Variants in COLGALT2 observed in about 807,000 individuals in gnomAD.
The protein encoded by COLGALT2 is collagen beta(1-O)galactosyltransferase 2, also known as procollagen galactosyltransferase 2.
In COLGALT2, 49 loss-of-function variants were observed where a neutral mutation model predicts 73.4. The ratio of observed to expected loss-of-function variants is 0.67; its 90% CI spans 0.53 to 0.85. COLGALT2 has a LOEUF of 0.85. Among genes scored for constraint, COLGALT2 ranks in the 40% least tolerant of loss-of-function variants. COLGALT2 has a pLI of 0.00. For synonymous variants in COLGALT2, 295 were observed against 307.6 expected, an observed-to-expected ratio of 0.96 and a Z score of 0.43; for missense variants, 722 against 790.2, an observed-to-expected ratio of 0.91 and a Z score of 1.03.
In COLGALT2 at chr1:184,037,360, T is replaced by A; in HGVS notation, c.-3A>T. On this transcript the variant is annotated 5_prime_UTR_variant, in exon 1 of 12. Coordinates refer to ENST00000361927, the MANE Select transcript of COLGALT2 (RefSeq NM_015101.4). ...GTGGCAGCAGGGCGCGCAGCCATGT[T>A]CCGGGCCGAGGCGGGCGGCGGGGAA... 1.4e-6 allele frequency: 2 copies of A among 1,430,448 alleles called. No homozygotes were observed. The highest frequency in any genetic ancestry group is 1.8e-6 in the Non-Finnish European group (2 of 1,089,538). 88.6% of individuals were successfully genotyped at this position (1,430,448 alleles called of 1,614,324 possible). A position where few individuals can be genotyped will look rare whatever the true frequency, so the allele number is the denominator to read the frequency against.
chr1:183,933,887 A>T (rs1354094909), downstream of COLGALT2, among the ~76,000 whole-genome samples: 1 of 152,218 alleles, frequency 6.6e-6, no homozygotes, highest in Non-Finnish European at 1.5e-5. Flanking sequence ...AAATAAAGAG[A>T]AGGCAATCCT....
intron 1 of COLGALT2, among the ~76,000 whole-genome samples, chr1:183,997,754 C>A (rs1006130621): frequency 4.6e-5 from 7 of 152,138 alleles, no homozygotes. Flanking sequence ...TGTTTTTGAA[C>A]TTTATATAAA....
intron 1 of COLGALT2, among the ~76,000 whole-genome samples, chr1:184,005,155 G>C (rs1214411270): frequency 6.6e-6 from 1 of 152,050 alleles, no homozygotes; most frequent in Non-Finnish European, 1.5e-5. Flanking sequence ...TACTGAGCCG[G>C]GGCTCAGTCA....
At chr1:184,034,741 G>A (rs910339656) in intron 1 of COLGALT2, among the ~76,000 whole-genome samples, 10 of 152,114 alleles carry the variant, frequency 6.6e-5, no homozygotes, top group East Asian at 5.8e-4. Context: ...GAAGAACCAC[G>A]AGCTCTTATT....
chr1:184,000,042 CT>C (rs1558331993), intron 1 of COLGALT2, among the ~76,000 whole-genome samples: 1 of 149,152 alleles, frequency 6.7e-6, no homozygotes, highest in Non-Finnish European at 1.5e-5. Flanking sequence ...TCAAGGCCTT[CT>C]AAATTTCCAT....
intron 1 of COLGALT2, among the ~76,000 whole-genome samples, chr1:183,988,632 T>C (rs1253718467): frequency 6.6e-6 from 1 of 152,234 alleles, no homozygotes; most frequent in East Asian, 1.9e-4. Flanking sequence ...TGCATACTGT[T>C]TTCAAGGTTC....
chr1:184,010,099 G>A (rs928161360), intron 1 of COLGALT2, among the ~76,000 whole-genome samples: 5 of 152,092 alleles, frequency 3.3e-5, no homozygotes, highest in Non-Finnish European at 7.4e-5. Flanking sequence ...CATGGCTCTG[G>A]GGTCTAGATT....
At chr1:183,932,319 A>G (rs572186984), downstream of COLGALT2, among the ~76,000 whole-genome samples, 31 of 152,276 alleles carry the variant, frequency 2.0e-4, no homozygotes, top group African/African-American at 7.2e-4. Context: ...ATTAATGAAT[A>G]GTTCCTACTT....
At position 184,010,442 on chromosome 1, in the gene COLGALT2, A is replaced by C. The variant is rs117478196; in HGVS notation, c.263+26653T>G. On this transcript the variant is annotated intron_variant, in intron 1 of 11. Coordinates refer to ENST00000361927, the MANE Select transcript of COLGALT2 (RefSeq NM_015101.4). ...TCTGGCAGCCTGGGAGAGCTTCGCTATGGAATCATCAAATGTCTCCAAATC... is the reference window on the plus strand; with the variant it reads ...TCTGGCAGCCTGGGAGAGCTTCGCTCTGGAATCATCAAATGTCTCCAAATC... 2.4e-3 allele frequency among the ~76,000 whole-genome samples: 359 copies of C among 152,326 alleles called. 6 individuals are homozygous for C. Among genetic ancestry groups the C allele is most frequent in the Admixed American group, 0.017 (263 of 15,300 alleles).
chr1:183,954,658 C>T, intron 7 of COLGALT2, 104 bp downstream of exon 7: 1 of 829,304 alleles, frequency 1.2e-6, no homozygotes, highest in Non-Finnish European at 2.0e-6. Flanking sequence ...GCAGCCAAGC[C>T]AGTCTTGCTG....
chr1:183,953,447 G>A (rs569722600), intron 7 of COLGALT2, among the ~76,000 whole-genome samples: 1 of 152,192 alleles, frequency 6.6e-6, no homozygotes, highest in East Asian at 1.9e-4. Context: ...GGAAGATCCT[G>A]GTTTTGTCTT....
chr1:184,033,201 A>G (rs1289280716), intron 1 of COLGALT2, among the ~76,000 whole-genome samples: 2 of 152,210 alleles, frequency 1.3e-5, no homozygotes, highest in Non-Finnish European at 2.9e-5. Context: ...TCCCTGCGCC[A>G]TGCTTCGGTT....
chr1:183,938,775 T>C lies in COLGALT2; in HGVS notation c.1867A>G (p.Arg623Gly). The change falls in exon 12 of 12, where the codon AGG (arginine) becomes GGG (glycine). Residue 623 changes from arginine (R) to glycine (G), a missense_variant. Coordinates refer to ENST00000361927, the MANE Select transcript of COLGALT2 (RefSeq NM_015101.4). ...PPTSLDTVPS[R>G]DEL ...CCAGGGAGCCTTCATAGCTCATCCC[T>C]TGAAGGCACAGTGTCCAGGGAGGTT... 6.2e-7 allele frequency: 1 copy of C among 1,614,128 alleles called. No individual in the cohort carries two copies. Among genetic ancestry groups the C allele is most frequent in the Non-Finnish European group, 8.5e-7 (1 of 1,180,010 alleles).
intron 1 of COLGALT2, among the ~76,000 whole-genome samples, chr1:184,005,774 C>T (rs1672057056): frequency 6.6e-6 from 1 of 152,154 alleles, no homozygotes; most frequent in South Asian, 2.1e-4. Flanking sequence ...GAGACCTCTC[C>T]TCCACTGGGC....
In COLGALT2 at chr1:183,975,103, G is replaced by T; in HGVS notation, c.486C>A (p.Tyr162Ter). 6.2e-7 allele frequency: 1 copy of T among 1,608,062 alleles called. No individual in the cohort carries two copies. Among genetic ancestry groups the T allele is most frequent in the Non-Finnish European group, 8.5e-7 (1 of 1,174,468 alleles). ...LRTAREKWSD[Y>*]ILFIDVDNFL... ...ATCAAACATCTGTTTTTACCAGAAT[G>T]TAGTCTGACCATTTTTCCCTCGCAG... The change falls in exon 3 of 12, where the codon TAC (tyrosine) becomes TAA (stop). Residue 162 changes from tyrosine (Y) to a stop codon, truncating the protein, a stop_gained. Coordinates refer to ENST00000361927, the MANE Select transcript of COLGALT2 (RefSeq NM_015101.4). LOFTEE classifies it high-confidence loss of function.
chr1:183,986,197 A>G (rs1572658312), intron 1 of COLGALT2, among the ~76,000 whole-genome samples: 1 of 152,280 alleles, frequency 6.6e-6, no homozygotes, highest in South Asian at 2.1e-4. Context: ...CTGGGTGGAA[A>G]CTAGATATGG....
chr1:184,029,067 C>T (rs970351471), intron 1 of COLGALT2, among the ~76,000 whole-genome samples: 13 of 152,168 alleles, frequency 8.5e-5, no homozygotes, highest in African/African-American at 1.4e-4. Context: ...GGAAAAGAAA[C>T]GCCCTGCAGC....
intron 1 of COLGALT2, among the ~76,000 whole-genome samples, chr1:184,002,213 G>T (rs750075338): frequency 1.5e-4 from 23 of 152,274 alleles, no homozygotes; most frequent in South Asian, 6.2e-4. Context: ...GGATTTGAGG[G>T]CCTGGGCCCA....
chr1:183,966,707 T>G (rs7528448), intron 5 of COLGALT2, among the ~76,000 whole-genome samples: 2,211 of 152,308 alleles, frequency 0.015, 58 homozygotes, highest in African/African-American at 0.049. Flanking sequence ...ACTGGGATGA[T>G]TCCTGTGGCC....
Sources: allele counts gnomAD v4.1 joint callset (sites outside exome capture counted in the v4.1 genomes callset), GRCh38; gene constraint gnomAD v4.1.1; transcripts MANE v1.5; gene names NCBI Gene and HGNC (gene_info 2026-07-23, HGNC 2026-07-21).